The following CFAP184 variants were observed in gnomAD, a reference collection of about 807,000 sequenced individuals.
CFAP184 encodes the protein cilia- and flagella-associated protein 184.
chr4:7,042,085 A>T, the CFAP184 span: 1 of 1,609,752 alleles, frequency 6.2e-7, no homozygotes, highest in Non-Finnish European at 8.5e-7. Flanking sequence ...CAGATGGCGC[A>T]GGTACGCTTG....
chr4:7,041,827 T>G, the CFAP184 span: 1 of 1,610,008 alleles, frequency 6.2e-7, no homozygotes, highest in South Asian at 1.1e-5. Flanking sequence ...GGCGCTCATC[T>G]CCTTCTCCTT....
At chr4:7,042,972 G>A in the CFAP184 span, 28 of 1,399,980 alleles carry the variant, frequency 2.0e-5, no homozygotes, top group East Asian at 8.1e-5. Flanking sequence ...GCGGACCCCG[G>A]CAGGACGCTG....
chr4:7,041,785 C>A, the CFAP184 span: 1 of 1,612,350 alleles, frequency 6.2e-7, no homozygotes, highest in Non-Finnish European at 8.5e-7. Flanking sequence ...ATGCACCAGG[C>A]TCTGCTTCAG....
chr4:7,041,178 A>G, the CFAP184 span: 2 of 1,493,314 alleles, frequency 1.3e-6, no homozygotes, highest in African/African-American at 2.8e-5. Flanking sequence ...GTCCCAAATG[A>G]CACAGGCCTT....
At chr4:7,041,363 C>G in the CFAP184 span, 1 of 1,614,224 alleles carries the variant, frequency 6.2e-7, no homozygotes, top group Non-Finnish European at 8.5e-7. Context: ...TTCAGGGATT[C>G]CAGGCGCCGG....
At chr4:7,042,909 G>A in the CFAP184 span, 3 of 1,544,110 alleles carry the variant, frequency 1.9e-6, no homozygotes, top group Non-Finnish European at 2.6e-6. Context: ...CCCCGCCGGG[G>A]TCCTTAGTGT....
At chr4:7,042,412 T>G in the CFAP184 span, 3 of 1,612,140 alleles carry the variant, frequency 1.9e-6, no homozygotes, top group Admixed American at 1.7e-5. Flanking sequence ...GCCGTCTCTC[T>G]GCGTCTCCTC....
chr4:7,042,129 G>A, the CFAP184 span: 3 of 1,606,920 alleles, frequency 1.9e-6, no homozygotes, highest in East Asian at 6.7e-5. Flanking sequence ...CTGCGCCCCG[G>A]TCAGCCACCT....
chr4:7,041,617 T>G, the CFAP184 span: 1 of 1,614,246 alleles, frequency 6.2e-7, no homozygotes, highest in Non-Finnish European at 8.5e-7. Context: ...GGTTATTACT[T>G]GCACACTGTT....
the CFAP184 span, chr4:7,040,970 C>T: frequency 3.2e-6 from 1 of 311,062 alleles, no homozygotes; most frequent in East Asian, 5.4e-5. Context: ...TTTAGTATTA[C>T]ATCACTGAAA....
the CFAP184 span, chr4:7,041,326 G>C: frequency 1.2e-6 from 2 of 1,613,990 alleles, no homozygotes; most frequent in Middle Eastern, 1.6e-4. Flanking sequence ...GCCTCTGCAG[G>C]ACAAAGTGAG....
chr4:7,041,468 C>T, the CFAP184 span: 1 of 1,614,218 alleles, frequency 6.2e-7, no homozygotes. Context: ...CTGATGTTGT[C>T]CGTCCGCAGC....
the CFAP184 span, chr4:7,042,758 T>C: frequency 3.9e-6 from 6 of 1,531,624 alleles, no homozygotes; most frequent in South Asian, 2.4e-5. Flanking sequence ...TCCGCGGCGG[T>C]GCCTCCCTGC....
At chr4:7,041,850 C>T in the CFAP184 span, 1 of 1,610,088 alleles carries the variant, frequency 6.2e-7, no homozygotes, top group Non-Finnish European at 8.5e-7. Flanking sequence ...TATCCTCCAA[C>T]GCCTGGATCT....
chr4:7,041,396 C>T, the CFAP184 span: 1 of 1,614,236 alleles, frequency 6.2e-7, no homozygotes, highest in Non-Finnish European at 8.5e-7. Flanking sequence ...GTCTTGTCCA[C>T]CTTTTCTTCC....
chr4:7,042,578 C>G, the CFAP184 span: 19 of 1,553,694 alleles, frequency 1.2e-5, 1 homozygote, highest in African/African-American at 2.6e-4. Flanking sequence ...GCCTCCGCCT[C>G]TAGTTCCTCG....
chr4:7,041,881 G>A, the CFAP184 span: 23 of 1,610,772 alleles, frequency 1.4e-5, no homozygotes, highest in Non-Finnish European at 1.5e-5. Flanking sequence ...TCGCAGAGCA[G>A]CCTGGCGCCC....
At chr4:7,042,246 C>G in the CFAP184 span, 3 of 1,598,888 alleles carry the variant, frequency 1.9e-6, no homozygotes, top group Non-Finnish European at 2.6e-6. Context: ...GGGAACGGTA[C>G]TGGTCCAGGA....
the CFAP184 span, chr4:7,042,597 T>C: frequency 6.5e-7 from 1 of 1,530,398 alleles, no homozygotes; most frequent in East Asian, 2.3e-5. Flanking sequence ...CGGGCCCGGC[T>C]CCGGGCTCCG....
Sources: allele counts gnomAD v4.1 joint callset, GRCh38; gene constraint gnomAD v4.1.1; transcripts MANE v1.5; gene names NCBI Gene and HGNC (gene_info 2026-07-23, HGNC 2026-07-21).